Variants in HDAC9 observed in about 807,000 individuals in gnomAD.
HDAC9 encodes histone deacetylase 9, also known as MEF-2 interacting transcription repressor (MITR) protein.
Under a neutral mutation model 139.4 loss-of-function variants are expected in HDAC9, and 41 were observed. The observed-to-expected ratio is 0.29, with a 90% confidence interval of 0.23 to 0.38. HDAC9 has a LOEUF of 0.38. Among genes scored for constraint, HDAC9 ranks in the 10% least tolerant of loss-of-function variants. The probability of loss-of-function intolerance (pLI) is 1.00; values close to 1 mark genes in which losing one functional copy is unlikely to be tolerated. For missense variants in HDAC9, 1,147 were observed against 1,297.0 expected (o/e 0.88, Z 1.78); for synonymous variants, 517 against 476.2 (o/e 1.09, Z -1.12).
At chr7:18,649,077 C>T (rs1382813726) in intron 11 of HDAC9, among the ~76,000 whole-genome samples, 1 of 152,132 alleles carries the variant, frequency 6.6e-6, no homozygotes, top group South Asian at 2.1e-4. Context: ...CCAAGATTAG[C>T]CAGTAAGGCA....
chr7:18,633,283 A>G (rs965348529), intron 7 of HDAC9, among the ~76,000 whole-genome samples: 2 of 152,086 alleles, frequency 1.3e-5, no homozygotes, highest in African/African-American at 4.8e-5. Context: ...GAGGCCTTCA[A>G]GTGTGGTGGC....
At chr7:18,289,628 A>G (rs1797682238), upstream of HDAC9, among the ~76,000 whole-genome samples, 1 of 152,184 alleles carries the variant, frequency 6.6e-6, no homozygotes, top group South Asian at 2.1e-4. Context: ...AGGCACTTCA[A>G]AGTGAGTACT....
At position 18,989,699 on chromosome 7, in the gene HDAC9, C is replaced by T. The variant is rs372454857; in HGVS notation, c.3171-6324C>T. 3.2e-4 allele frequency among the ~76,000 whole-genome samples: 47 copies of T among 146,522 alleles called. 1 individual carries two copies. Among genetic ancestry groups the T allele is most frequent in the Middle Eastern group, 3.4e-3 (1 of 294 alleles). On this transcript the variant is annotated intron_variant, in intron 25 of 25. Transcript: ENST00000686413. ...GTCACTTTCAGGTACACCAATCAGA[C>T]GTAGATTTGGTCTTTTCACATAGTC...
At chr7:18,772,633 C>T (rs1044189898) in intron 16 of HDAC9, among the ~76,000 whole-genome samples, 1 of 152,028 alleles carries the variant, frequency 6.6e-6, no homozygotes, top group African/African-American at 2.4e-5. Flanking sequence ...CCCTCCAGCA[C>T]AATAAAAGGA....
intron 1 of HDAC9, among the ~76,000 whole-genome samples, chr7:18,299,700 G>T (rs1280313319): frequency 6.6e-6 from 1 of 152,198 alleles, no homozygotes; most frequent in East Asian, 1.9e-4. Context: ...GCTGGCTCAA[G>T]AAGGCAGGAA....
intron 11 of HDAC9, among the ~76,000 whole-genome samples, chr7:18,656,089 G>C (rs952802919): frequency 6.7e-6 from 1 of 148,940 alleles, no homozygotes; most frequent in African/African-American, 2.5e-5. Flanking sequence ...GCAAGTTCCT[G>C]GTTTTAGTTC....
rs1361256513 is a variant in HDAC9 at position 18,671,901 on chromosome 7, T to C, written c.1731+5425T>C. ...ATCCACAGCATCAGTACTTCATTCC[T>C]TCTTATGGCTGAGTAATATTCCCTT... is the stretch of plus-strand genomic sequence containing the variant. On this transcript the variant is annotated intron_variant, in intron 12 of 25. Transcript: ENST00000686413. 2.0e-5 allele frequency among the ~76,000 whole-genome samples: 3 copies of C among 152,212 alleles called. No individual in the cohort carries two copies. The East Asian group carries it at 5.8e-4, about 30-fold the overall frequency.
At chr7:18,518,535 G>A (rs1458461046) in intron 2 of HDAC9, among the ~76,000 whole-genome samples, 1 of 152,134 alleles carries the variant, frequency 6.6e-6, no homozygotes, top group Non-Finnish European at 1.5e-5. Context: ...TTACAAGCAG[G>A]GGAGTTTACT....
chr7:18,131,580 G>A (rs1785013984), intron 1 of HDAC9, among the ~76,000 whole-genome samples: 1 of 152,146 alleles, frequency 6.6e-6, no homozygotes, highest in African/African-American at 2.4e-5. Flanking sequence ...ACTATCTTCT[G>A]AAATAAATTG....
intron 22 of HDAC9, among the ~76,000 whole-genome samples, chr7:18,877,416 A>AC (rs1324551875): frequency 2.0e-5 from 3 of 152,148 alleles, no homozygotes; most frequent in Non-Finnish European, 4.4e-5. Flanking sequence ...TCCCAAAACG[A>AC]AGTTAGAAAT....
intron 1 of HDAC9, among the ~76,000 whole-genome samples, chr7:18,489,195 T>C (rs1406853294): frequency 6.6e-6 from 1 of 152,046 alleles, no homozygotes; most frequent in Non-Finnish European, 1.5e-5. Context: ...GCTCTGGTAA[T>C]ACAGGAGAAA....
At chr7:18,183,692 C>A (rs1291506530) in intron 2 of HDAC9, among the ~76,000 whole-genome samples, 1 of 152,078 alleles carries the variant, frequency 6.6e-6, no homozygotes, top group Non-Finnish European at 1.5e-5. Context: ...GCTATGTTGC[C>A]TAGGCTGATC....
At chr7:18,910,749 A>G (rs919179302) in intron 22 of HDAC9, among the ~76,000 whole-genome samples, 22 of 151,984 alleles carry the variant, frequency 1.4e-4, no homozygotes, top group African/African-American at 5.3e-4. Context: ...GACGTGATGT[A>G]CCTTGATTAT....
chr7:18,388,802 T>G (rs1189389648), intron 1 of HDAC9, among the ~76,000 whole-genome samples: 1 of 152,212 alleles, frequency 6.6e-6, no homozygotes, highest in African/African-American at 2.4e-5. Flanking sequence ...GAATTGGGAA[T>G]TTTAATGGAA....
At chr7:18,379,416 G>T (rs1785246971) in intron 1 of HDAC9, among the ~76,000 whole-genome samples, 1 of 152,146 alleles carries the variant, frequency 6.6e-6, no homozygotes, top group Non-Finnish European at 1.5e-5. Context: ...TTTGTATTGT[G>T]AGCATCTTTT....
At chr7:18,492,771 A>G (rs1048750716), upstream of HDAC9, among the ~76,000 whole-genome samples, 1 of 151,946 alleles carries the variant, frequency 6.6e-6, no homozygotes, top group African/African-American at 2.4e-5. Flanking sequence ...CTTTACTAAC[A>G]TTACTGAGAT....
intron 12 of HDAC9, among the ~76,000 whole-genome samples, chr7:18,713,998 A>C (rs1373564066): frequency 1.3e-5 from 2 of 152,220 alleles, no homozygotes; most frequent in African/African-American, 4.8e-5. Context: ...TGAACGTTTA[A>C]ATAACAATGC....
At chr7:18,457,935 C>A (rs565023165) in intron 1 of HDAC9, among the ~76,000 whole-genome samples, 1 of 152,228 alleles carries the variant, frequency 6.6e-6, no homozygotes, top group East Asian at 1.9e-4. Context: ...TATGCAAATG[C>A]ACACACTGAC....
intron 1 of HDAC9, among the ~76,000 whole-genome samples, chr7:18,406,869 C>G (rs1225253820): frequency 6.6e-6 from 1 of 151,902 alleles, no homozygotes; most frequent in Non-Finnish European, 1.5e-5. Flanking sequence ...GAAGGACTCT[C>G]TTTATACACA....
Sources: allele counts gnomAD v4.1 joint callset (sites outside exome capture counted in the v4.1 genomes callset), GRCh38; gene constraint gnomAD v4.1.1; transcripts MANE v1.5; gene names NCBI Gene and HGNC (gene_info 2026-07-23, HGNC 2026-07-21).